The following GALNT9 variants were observed in gnomAD, a reference collection of about 807,000 sequenced individuals.
GALNT9 encodes GalNAc transferase 9.
Under a neutral mutation model 63.1 loss-of-function variants are expected in GALNT9, and 47 were observed. The ratio of observed to expected loss-of-function variants is 0.75; its 90% CI spans 0.59 to 0.95. GALNT9 has a LOEUF of 0.95. Among genes scored for constraint, GALNT9 ranks in the 40% least tolerant of loss-of-function variants. GALNT9 has a pLI of 0.00. For synonymous variants in GALNT9, 396 were observed against 365.7 expected (o/e 1.08, Z -0.94); for missense variants, 829 against 874.8 (o/e 0.95, Z 0.66).
Position 132,262,558 on chromosome 12 carries a change from C to T in GALNT9, c.487G>A (p.Ala163Thr). ...ACGGAGCGCAGGATGACCGACAGCG[C>T]CTCATTGACGAAGATGAAGACCACG... ...VSVVFIFVNE[A>T]LSVILRSVHS... Residue 163 changes from alanine (A) to threonine (T), a missense_variant, in exon 3 of 11, where the codon GCG (alanine) becomes ACG (threonine). Ala to Thr is a moderately conservative substitution (Grantham distance 58). Transcript: ENST00000328957. 6.4e-7 allele frequency: 1 copy of T among 1,551,528 alleles called. No homozygotes were observed. Among genetic ancestry groups the T allele is most frequent in the Non-Finnish European group, 8.7e-7 (1 of 1,146,920 alleles).
rs1555245923 is a variant in GALNT9, at chr12:132,319,134, A to G, written c.238+9832T>C. On this transcript the variant is annotated intron_variant, in intron 1 of 10. Transcript: ENST00000328957. The surrounding 1 kb of genome is among the most constrained non-coding windows in gnomAD (Gnocchi z 5.2). ...AGGTGTGCTCCCCATGGTTGAAGCT[A>G]GTTGTGATGGTGAATTCTGCATCCA... Among the ~76,000 whole-genome samples the G allele has an allele frequency of 1.3e-5, 2 of 151,868 alleles. No homozygotes were observed. The highest frequency in any genetic ancestry group is 1.3e-4 in the Admixed American group (2 of 15,254).
Position 132,197,056 on chromosome 12 carries a change from G to A in GALNT9, c.*51C>T. The A allele has an allele frequency of 6.2e-7, 1 of 1,601,656 alleles. No individual in the cohort carries two copies. Among genetic ancestry groups the A allele is most frequent in the Admixed American group, 1.7e-5 (1 of 59,460 alleles). ...ACACCCCGGTCACTCAGCCACACTG[G>A]CTCGGCCCAGCGCCTTCCCGAGGTC... On this transcript the variant is annotated 3_prime_UTR_variant, in exon 11 of 11. Coordinates refer to ENST00000328957, the MANE Select transcript of GALNT9 (RefSeq NM_001122636.2).
At chr12:132,309,399 G>A (rs562910927) in intron 1 of GALNT9, among the ~76,000 whole-genome samples, 1 of 152,342 alleles carries the variant, frequency 6.6e-6, no homozygotes, top group East Asian at 1.9e-4. Context: ...AGGATGGTGG[G>A]TTGAATGAGG....
At chr12:132,287,362 G>A (rs1470964087) in intron 1 of GALNT9, among the ~76,000 whole-genome samples, 1 of 152,136 alleles carries the variant, frequency 6.6e-6, no homozygotes, top group Non-Finnish European at 1.5e-5. Flanking sequence ...AAATTGCAAC[G>A]GCTCTAAGAT....
intron 4 of GALNT9, among the ~76,000 whole-genome samples, chr12:132,259,321 C>A (rs766971530): frequency 1.1e-4 from 17 of 152,228 alleles, no homozygotes; most frequent in Non-Finnish European, 1.0e-4. Context: ...GGAGCTTACC[C>A]GGCATCAGAG....
chr12:132,262,548 A>T lies in GALNT9; in HGVS notation c.497T>A (p.Val166Asp). Residue 166 changes from valine to aspartate, a missense_variant, in exon 3 of 11, where the codon GTC becomes GAC. By Grantham distance (152) the Val-to-Asp change is radical (BLOSUM62 -3). Transcript: ENST00000328957. ...CACGCTGTGCACGGAGCGCAGGATG[A>T]CCGACAGCGCCTCATTGACGAAGAT... ...VFIFVNEALS[V>D]ILRSVHSVVN... 1.3e-6 allele frequency: 2 copies of T among 1,551,474 alleles called. No individual in the cohort carries two copies. The highest frequency in any genetic ancestry group is 1.7e-6 in the Non-Finnish European group (2 of 1,146,908).
At chr12:132,261,733 C>T (rs1357081422) in intron 3 of GALNT9, among the ~76,000 whole-genome samples, 3 of 152,244 alleles carry the variant, frequency 2.0e-5, no homozygotes, top group African/African-American at 7.2e-5. Flanking sequence ...GAAGGGGCTC[C>T]CCATGTTTTC....
At position 132,286,116 on chromosome 12, in the gene GALNT9, G is replaced by A. The variant is rs1436795626; in HGVS notation, c.419+134C>T. On this transcript the variant is annotated intron_variant, in intron 2 of 10. Coordinates refer to ENST00000328957, the MANE Select transcript of GALNT9 (RefSeq NM_001122636.2). The surrounding 1 kb of genome is among the most constrained non-coding windows in gnomAD (Gnocchi z 7.4). ...CACTTCCCCGGCGGGCGTGGGGGGC[G>A]GTCACTTCCCTGGCGGGCGTGGGGG... The A allele has an allele frequency of 2.2e-5, 24 of 1,112,506 alleles. No homozygotes were observed. Among genetic ancestry groups the A allele is most frequent in the East Asian group, 9.0e-5 (3 of 33,202 alleles). 68.9% of individuals were successfully genotyped at this position (1,112,506 alleles called of 1,614,324 possible).
chr12:132,222,990 C>A (rs1394041515), intron 6 of GALNT9, among the ~76,000 whole-genome samples: 1 of 146,698 alleles, frequency 6.8e-6, no homozygotes, highest in African/African-American at 2.6e-5. Context: ...ACAACCCACA[C>A]CCCACATACA....
At chr12:132,209,237 T>C (rs1178929157) in intron 6 of GALNT9, among the ~76,000 whole-genome samples, 1 of 152,018 alleles carries the variant, frequency 6.6e-6, no homozygotes, top group Non-Finnish European at 1.5e-5. Context: ...ATAAAATAGG[T>C]TGCAGTAGGC....
intron 2 of GALNT9, among the ~76,000 whole-genome samples, chr12:132,267,985 TCA>T (rs1183576447): frequency 9.5e-4 from 120 of 126,344 alleles, no homozygotes; most frequent in African/African-American, 3.3e-3. Context: ...CCACATGAAC[TCA>T]CACACATGCA....
chr12:132,305,014 G>C (rs191390045), intron 1 of GALNT9, among the ~76,000 whole-genome samples: 48 of 6,042 alleles, frequency 7.9e-3, no homozygotes, highest in African/African-American at 9.2e-3. Flanking sequence ...CATCCTCACC[G>C]GGGCACACCC....
In GALNT9 at chr12:132,257,702, A is replaced by T; in HGVS notation, c.946T>A (p.Ser316Thr). The T allele has an allele frequency of 6.5e-7, 1 of 1,549,298 alleles. No homozygotes were observed. The highest frequency in any genetic ancestry group is 1.2e-5 in the South Asian group (1 of 84,000). The change falls in exon 5 of 11, where the codon TCA becomes ACA. Residue 316 changes from serine (S) to threonine (T), a missense_variant. Ser to Thr is a moderately conservative substitution (Grantham distance 58). Transcript: ENST00000328957. ...GGCGCAGCTCACCTGATGGGTGCTG[A>T]CTCGTCGCCGCGGTCCAGCCAGTCC... is the stretch of plus-strand genomic sequence containing the variant. ...PQDWLDRGDE[S>T]APIRTPAMIG...
At chr12:132,201,464 G>A (rs1442972809) in intron 7 of GALNT9, among the ~76,000 whole-genome samples, 15 of 152,162 alleles carry the variant, frequency 9.9e-5, no homozygotes, top group African/African-American at 3.6e-4. Flanking sequence ...TGCTCCTGAT[G>A]GGAAGGACCC....
At chr12:132,291,565 A>T (rs1441808147) in intron 1 of GALNT9, among the ~76,000 whole-genome samples, 23 of 81,788 alleles carry the variant, frequency 2.8e-4, no homozygotes, top group Admixed American at 5.2e-4. Flanking sequence ...AGCACCCACA[A>T]CCACAGCGCC....
chr12:132,251,392 G>C (rs73469806), intron 5 of GALNT9, among the ~76,000 whole-genome samples: 2,676 of 152,326 alleles, frequency 0.018, 80 homozygotes, highest in African/African-American at 0.06. Flanking sequence ...GAAACAGGCC[G>C]GTGCTCTGCG....
At chr12:132,249,890 A>G (rs1441402809) in intron 5 of GALNT9, among the ~76,000 whole-genome samples, 1 of 152,194 alleles carries the variant, frequency 6.6e-6, no homozygotes, top group Non-Finnish European at 1.5e-5. Context: ...CGGTTCCGCC[A>G]CACGCGGGGC....
intron 1 of GALNT9, among the ~76,000 whole-genome samples, chr12:132,303,382 G>GGGCACACCCTCACCC (rs1881385686): frequency 1.9e-4 from 20 of 107,916 alleles, no homozygotes; most frequent in Middle Eastern, 4.9e-3. Context: ...CACCCTCTCC[G>GGGCACACCCTCACCC]GGGCACAGCC....
At chr12:132,198,052 A>G in intron 9 of GALNT9, 93 bp from the exon 10 acceptor site, 3 of 1,083,004 alleles carry the variant, frequency 2.8e-6, no homozygotes, top group Non-Finnish European at 4.0e-6. Context: ...TGAGCTGCAA[A>G]CGGGGCCCTG....
Sources: allele counts gnomAD v4.1 joint callset (sites outside exome capture counted in the v4.1 genomes callset), GRCh38; gene constraint gnomAD v4.1.1; non-coding constraint Gnocchi (gnomAD v3.1); transcripts MANE v1.5; gene names NCBI Gene and HGNC (gene_info 2026-07-23, HGNC 2026-07-21).